The following PDZRN3 variants were observed in gnomAD, a reference collection of about 807,000 sequenced individuals.
The protein encoded by PDZRN3 is E3 ubiquitin-protein ligase PDZRN3.
Under a neutral mutation model 85.7 loss-of-function variants are expected in PDZRN3, and 38 were observed. The ratio of observed to expected loss-of-function variants is 0.44; its 90% CI spans 0.34 to 0.58. PDZRN3 has a LOEUF of 0.58. PDZRN3 is among the 20% of genes least tolerant of loss of function. The pLI is 0.01. For missense variants in PDZRN3, 1,629 were observed against 1,506.4 expected, an observed-to-expected ratio of 1.08 and a Z score of -1.35; for synonymous variants, 759 against 638.0, an observed-to-expected ratio of 1.19 and a Z score of -2.86.
intron 3 of PDZRN3, among the ~76,000 whole-genome samples, chr3:73,480,168 G>T (rs1378943032): frequency 6.6e-6 from 1 of 152,222 alleles, no homozygotes; most frequent in African/African-American, 2.4e-5. Flanking sequence ...ACCTGTCAGA[G>T]AATGCCCTGA....
intron 3 of PDZRN3, among the ~76,000 whole-genome samples, chr3:73,590,055 G>C (rs985975752): frequency 2.0e-5 from 3 of 151,962 alleles, no homozygotes; most frequent in Non-Finnish European, 1.5e-5. Flanking sequence ...GATCACTTGA[G>C]GTCAAAAGTT....
chr3:73,612,869 A>C (rs549084116), intron 1 of PDZRN3, among the ~76,000 whole-genome samples: 1 of 152,318 alleles, frequency 6.6e-6, no homozygotes, highest in Non-Finnish European at 1.5e-5. Flanking sequence ...ATAGACAGAT[A>C]CCCAAAGACT....
intron 2 of PDZRN3, among the ~76,000 whole-genome samples, chr3:73,607,820 T>C (rs190447240): frequency 1.3e-5 from 2 of 152,336 alleles, no homozygotes; most frequent in Non-Finnish European, 2.9e-5. Flanking sequence ...TTGTATCTCC[T>C]GGCCCTTAGC....
intron 3 of PDZRN3, chr3:73,434,090 T>A: frequency 1.2e-5 from 4 of 341,520 alleles, no homozygotes; most frequent in Non-Finnish European, 1.7e-5. Flanking sequence ...ATACAGAAGC[T>A]ATAATTGCCA....
At chr3:73,412,242 C>T (rs555367415) in intron 3 of PDZRN3, among the ~76,000 whole-genome samples, 3 of 152,146 alleles carry the variant, frequency 2.0e-5, no homozygotes, top group Admixed American at 6.5e-5. Context: ...TTATGAAGGC[C>T]GCTTTATTAT....
chr3:73,516,036 G>A (rs1021352606), intron 3 of PDZRN3, among the ~76,000 whole-genome samples: 2 of 151,976 alleles, frequency 1.3e-5, no homozygotes, highest in African/African-American at 2.4e-5. Flanking sequence ...CTAACTGAGC[G>A]TTTGGAGCTC....
chr3:73,396,872 G>A (rs1274882774), intron 5 of PDZRN3, among the ~76,000 whole-genome samples: 1 of 147,502 alleles, frequency 6.8e-6, no homozygotes, highest in Non-Finnish European at 1.5e-5. Flanking sequence ...GAAAATTTAT[G>A]GGTAATTATT....
intron 3 of PDZRN3, among the ~76,000 whole-genome samples, chr3:73,497,813 C>G (rs1002614778): frequency 5.3e-5 from 8 of 152,178 alleles, no homozygotes; most frequent in Non-Finnish European, 1.0e-4. Flanking sequence ...CCGTCCCCGC[C>G]CCCGCCAACA....
At chr3:73,509,564 C>T (rs1704127728) in intron 3 of PDZRN3, among the ~76,000 whole-genome samples, 1 of 152,210 alleles carries the variant, frequency 6.6e-6, no homozygotes, top group African/African-American at 2.4e-5. Context: ...CAGTACTCAA[C>T]TAACGTACTG....
chr3:73,392,479 C>G (rs557815514), intron 5 of PDZRN3, among the ~76,000 whole-genome samples: 206 of 152,274 alleles, frequency 1.4e-3, no homozygotes, highest in African/African-American at 4.9e-3. Flanking sequence ...TCTAGCAGCT[C>G]GATCATGAGC....
chr3:73,473,186 CCTGTGTTTCATCTCAAA>C (rs1703380954), intron 3 of PDZRN3, among the ~76,000 whole-genome samples: 6 of 152,110 alleles, frequency 3.9e-5, no homozygotes, highest in Admixed American at 3.9e-4. Flanking sequence ...TGTCTTTTTT[CCTGTGTTTCATCTCAAA>C]CTGTAGTTAT....
intron 3 of PDZRN3, among the ~76,000 whole-genome samples, chr3:73,430,472 G>A (rs1391665547): frequency 6.6e-6 from 1 of 152,180 alleles, no homozygotes. Context: ...GTCGATGTTA[G>A]AAGAGGTGGA....
At chr3:73,454,207 C>T (rs898886473) in intron 3 of PDZRN3, among the ~76,000 whole-genome samples, 4 of 152,136 alleles carry the variant, frequency 2.6e-5, no homozygotes, top group African/African-American at 9.7e-5. Context: ...ACAAGAGTTT[C>T]CCACACATGG....
At chr3:73,437,528 G>C (rs1451039622) in intron 3 of PDZRN3, among the ~76,000 whole-genome samples, 1 of 152,188 alleles carries the variant, frequency 6.6e-6, no homozygotes, top group Non-Finnish European at 1.5e-5. Flanking sequence ...TGCCTTACAA[G>C]GGTACTTTGG....
At chr3:73,602,784 TC>T (rs1702533751) in intron 2 of PDZRN3, among the ~76,000 whole-genome samples, 1 of 152,250 alleles carries the variant, frequency 6.6e-6, no homozygotes, top group Admixed American at 6.5e-5. Context: ...ATGCATTTGT[TC>T]CTTTTTGCAT....
intron 3 of PDZRN3, among the ~76,000 whole-genome samples, chr3:73,539,943 A>T (rs1704875644): frequency 6.6e-6 from 1 of 152,136 alleles, no homozygotes; most frequent in Non-Finnish European, 1.5e-5. Context: ...TCATAAAAGG[A>T]ATGGAAAAAA....
chr3:73,533,341 G>A (rs183232896), intron 3 of PDZRN3, among the ~76,000 whole-genome samples: 6 of 152,188 alleles, frequency 3.9e-5, no homozygotes, highest in African/African-American at 7.2e-5. Context: ...GAGCCATTGC[G>A]AAGGACAGAA....
chr3:73,410,672 G>T (rs1575632134), intron 3 of PDZRN3, among the ~76,000 whole-genome samples: 1 of 152,294 alleles, frequency 6.6e-6, no homozygotes, highest in South Asian at 2.1e-4. Flanking sequence ...CCTAAATGTA[G>T]AATACATCTG....
chr3:73,598,256 A>G (rs111536046), intron 3 of PDZRN3, among the ~76,000 whole-genome samples: 395 of 152,352 alleles, frequency 2.6e-3, no homozygotes, highest in African/African-American at 9.3e-3. Flanking sequence ...GTGATATTAA[A>G]GTATAGGAAC....
Sources: gnomAD v4.1 joint callset for allele counts (sites outside exome capture counted in the v4.1 genomes callset) on GRCh38, gnomAD v4.1.1 for gene constraint, MANE v1.5 for transcripts, NCBI Gene and HGNC (gene_info 2026-07-23, HGNC 2026-07-21) for gene names.